RANBP2: variants seen among roughly 807,000 people sequenced by gnomAD.
RANBP2 encodes the protein E3 SUMO-protein ligase RanBP2.
Under a neutral mutation model 303.6 loss-of-function variants are expected in RANBP2, and 57 were observed. The ratio of observed to expected loss-of-function variants is 0.19; its 90% CI spans 0.15 to 0.23. RANBP2 has a LOEUF of 0.23. Ranked by LOEUF, RANBP2 falls within the 10% of genes least tolerant of loss-of-function variation. RANBP2 has a pLI of 1.00. For missense variants in RANBP2, 3,138 were observed against 3,780.8 expected, an observed-to-expected ratio of 0.83 and a Z score of 4.46; for synonymous variants, 1,167 against 1,301.5, an observed-to-expected ratio of 0.90 and a Z score of 2.23.
chr2:109,204,176 C>G, the RANBP2 span, among the ~76,000 whole-genome samples: 3 of 152,236 alleles, frequency 2.0e-5, no homozygotes, highest in Non-Finnish European at 4.4e-5. Flanking sequence ...GCCATTAACT[C>G]TGCCACATCT....
At chr2:108,812,407 G>A in the RANBP2 span, among the ~76,000 whole-genome samples, 2 of 152,124 alleles carry the variant, frequency 1.3e-5, no homozygotes, top group Non-Finnish European at 2.9e-5. Context: ...GACATCTGGA[G>A]TCTTGTACAT....
the RANBP2 span, among the ~76,000 whole-genome samples, chr2:109,078,616 G>T: frequency 3.3e-5 from 5 of 149,836 alleles, no homozygotes; most frequent in South Asian, 8.6e-4. Flanking sequence ...GAGGACTATG[G>T]TTAACAATAC....
At chr2:109,719,865 G>A in the RANBP2 span, among the ~76,000 whole-genome samples, 1 of 152,188 alleles carries the variant, frequency 6.6e-6, no homozygotes, top group African/African-American at 2.4e-5. Context: ...TGGCCACAGT[G>A]ATGATTATTC....
chr2:109,405,524 A>T, the RANBP2 span, among the ~76,000 whole-genome samples: 1 of 151,934 alleles, frequency 6.6e-6, no homozygotes, highest in South Asian at 2.1e-4. Context: ...GCCCTGGTCC[A>T]TTTCTCCCCG....
chr2:109,611,581 C>T, the RANBP2 span, among the ~76,000 whole-genome samples: 1 of 151,470 alleles, frequency 6.6e-6, no homozygotes, highest in Non-Finnish European at 1.5e-5. Context: ...AACATGGTCA[C>T]ACCCCTGCCT....
chr2:108,778,627 G>A (rs1403426769), intron 25 of RANBP2, among the ~76,000 whole-genome samples: 1 of 152,194 alleles, frequency 6.6e-6, no homozygotes, highest in Non-Finnish European at 1.5e-5. Flanking sequence ...CCAGGGTAGA[G>A]AACCACTATT....
the RANBP2 span, among the ~76,000 whole-genome samples, chr2:109,589,106 T>G: frequency 0.13 from 19,658 of 150,780 alleles, 1,671 homozygotes; most frequent in African/African-American, 0.25. Flanking sequence ...TTTGTGGTTT[T>G]TTTGTTTGTT....
chr2:109,692,810 T>A, the RANBP2 span, among the ~76,000 whole-genome samples: 1 of 140,942 alleles, frequency 7.1e-6, no homozygotes, highest in African/African-American at 2.5e-5. Flanking sequence ...TATTTCTTTT[T>A]TCTTTCTTTC....
the RANBP2 span, among the ~76,000 whole-genome samples, chr2:109,439,042 C>T: frequency 1.3e-5 from 2 of 152,172 alleles, no homozygotes; most frequent in Non-Finnish European, 2.9e-5. Context: ...GTATAATGGT[C>T]TTTCCACACC....
At chr2:108,993,107 T>TA in the RANBP2 span, among the ~76,000 whole-genome samples, 2 of 152,200 alleles carry the variant, frequency 1.3e-5, no homozygotes, top group Non-Finnish European at 2.9e-5. Context: ...AATTGGGTGA[T>TA]ACGGCGGACA....
the RANBP2 span, among the ~76,000 whole-genome samples, chr2:109,316,002 C>T: frequency 5.3e-5 from 8 of 152,194 alleles, no homozygotes; most frequent in Non-Finnish European, 2.9e-5. Flanking sequence ...ATTATATGTG[C>T]ATGCATCAGG....
chr2:109,094,731 G>A, the RANBP2 span, among the ~76,000 whole-genome samples: 1 of 152,210 alleles, frequency 6.6e-6, no homozygotes, highest in East Asian at 1.9e-4. Flanking sequence ...TCAGGAGGCT[G>A]AGGCAGGAGA....
At chr2:109,113,917 G>T in the RANBP2 span, among the ~76,000 whole-genome samples, 16 of 152,270 alleles carry the variant, frequency 1.1e-4, no homozygotes, top group East Asian at 2.9e-3. Flanking sequence ...CTTTGGTTCT[G>T]TTTATATGCT....
chr2:108,798,364 T>C, the RANBP2 span: 1 of 1,553,216 alleles, frequency 6.4e-7, no homozygotes, highest in South Asian at 1.2e-5. Flanking sequence ...TGTCAGCCAA[T>C]AGGAATATAA....
At chr2:109,375,067 G>A in the RANBP2 span, among the ~76,000 whole-genome samples, 9 of 152,152 alleles carry the variant, frequency 5.9e-5, no homozygotes, top group Admixed American at 2.6e-4. Flanking sequence ...CTGGACATAC[G>A]TACATTTCCC....
chr2:109,704,408 G>A, the RANBP2 span, among the ~76,000 whole-genome samples: 2 of 152,048 alleles, frequency 1.3e-5, no homozygotes, highest in African/African-American at 4.8e-5. Context: ...ACCTTAGCTG[G>A]GTGTGGTGGC....
the RANBP2 span, among the ~76,000 whole-genome samples, chr2:109,056,591 G>A: frequency 1.3e-5 from 2 of 152,176 alleles, no homozygotes; most frequent in Non-Finnish European, 2.9e-5. Flanking sequence ...CAAATTAACT[G>A]TTCTTTCCTC....
chr2:109,247,432 G>A, the RANBP2 span, among the ~76,000 whole-genome samples: 2 of 152,284 alleles, frequency 1.3e-5, no homozygotes, highest in South Asian at 2.1e-4. Context: ...ATCCCTGAAC[G>A]TCACGGCTCC....
chr2:109,705,330 C>T, the RANBP2 span, among the ~76,000 whole-genome samples: 18 of 151,984 alleles, frequency 1.2e-4, no homozygotes, highest in South Asian at 3.3e-3. Flanking sequence ...TGCTTGAACC[C>T]GGGAAGTGGA....
Sources: gnomAD v4.1 joint callset for allele counts (sites outside exome capture counted in the v4.1 genomes callset) on GRCh38, gnomAD v4.1.1 for gene constraint, MANE v1.5 for transcripts, NCBI Gene and HGNC (gene_info 2026-07-23, HGNC 2026-07-21) for gene names.